The following PTPRD variants were observed in gnomAD, a reference collection of about 807,000 sequenced individuals.
PTPRD encodes receptor-type tyrosine-protein phosphatase delta.
PTPRD carries 34 observed loss-of-function variants against 214.5 expected under a neutral mutation model. The ratio of observed to expected loss-of-function variants is 0.16; its 90% CI spans 0.12 to 0.21. PTPRD has a LOEUF of 0.21. PTPRD is among the 10% of genes least tolerant of loss of function. PTPRD has a pLI of 1.00. For missense variants in PTPRD, 2,545 were observed against 2,398.7 expected (o/e 1.06, Z -1.27); for synonymous variants, 1,128 against 845.7 (o/e 1.33, Z -5.79).
intron 11 of PTPRD, among the ~76,000 whole-genome samples, chr9:8,999,212 C>G (rs995195252): frequency 6.6e-6 from 1 of 152,000 alleles, no homozygotes; most frequent in African/African-American, 2.4e-5. Context: ...CTATCAAACA[C>G]CATCACACAC....
At chr9:9,265,997 G>A (rs973593762) in intron 9 of PTPRD, among the ~76,000 whole-genome samples, 15 of 151,404 alleles carry the variant, frequency 9.9e-5, no homozygotes, top group African/African-American at 3.4e-4. Flanking sequence ...ACTCACATCT[G>A]CTTTAAGGAC....
intron 14 of PTPRD, among the ~76,000 whole-genome samples, chr9:8,560,082 T>A (rs2085559822): frequency 6.6e-6 from 1 of 152,168 alleles, no homozygotes; most frequent in African/African-American, 2.4e-5. Flanking sequence ...CCAAAACTGA[T>A]TTTACTTCTT....
intron 11 of PTPRD, among the ~76,000 whole-genome samples, chr9:8,774,312 C>G (rs2095369580): frequency 6.6e-6 from 1 of 151,970 alleles, no homozygotes; most frequent in Non-Finnish European, 1.5e-5. Flanking sequence ...ATTTGAATAA[C>G]ATATTATTTA....
intron 6 of PTPRD, among the ~76,000 whole-genome samples, chr9:9,756,226 G>C (rs192663708): frequency 2.0e-5 from 3 of 152,182 alleles, no homozygotes; most frequent in East Asian, 3.9e-4. Flanking sequence ...TGGAGCACCA[G>C]AGGGTTATGT....
chr9:9,934,328 G>T (rs879326260), intron 5 of PTPRD, among the ~76,000 whole-genome samples: 46 of 150,986 alleles, frequency 3.0e-4, no homozygotes, highest in African/African-American at 3.9e-4. Flanking sequence ...TAGACTGCTA[G>T]CAAGACTAAT....
rs138312321 is a variant in PTPRD at position 8,862,754 on chromosome 9, G to C, written c.-103-128808C>G. On this transcript the variant is annotated intron_variant, in intron 11 of 45. Coordinates refer to ENST00000381196, the MANE Select transcript of PTPRD (RefSeq NM_002839.4). The stretch of plus-strand genomic sequence containing the variant: ...TGTTAGGCAGCACTGTCCTCTTTAA[G>C]AAAAGAAATCCACATCTTCATGGAT... Among the ~76,000 whole-genome samples the C allele has an allele frequency of 1.8e-4, 27 of 152,330 alleles. No individual in the cohort carries two copies. In the East Asian group the frequency reaches 3.1e-3, roughly 17 times the overall value.
chr9:8,359,406 C>T (rs1448890312), intron 39 of PTPRD, among the ~76,000 whole-genome samples: 1 of 151,940 alleles, frequency 6.6e-6, no homozygotes, highest in Admixed American at 6.6e-5. Context: ...CTCACTGCAA[C>T]TTCCACCTCC....
At chr9:8,746,150 T>C (rs1356555428) in intron 11 of PTPRD, among the ~76,000 whole-genome samples, 1 of 152,088 alleles carries the variant, frequency 6.6e-6, no homozygotes, top group Non-Finnish European at 1.5e-5. Flanking sequence ...TGTTGAGTAA[T>C]TGTGACAAGG....
At chr9:9,646,170 T>C (rs1290205093) in intron 7 of PTPRD, among the ~76,000 whole-genome samples, 3 of 152,164 alleles carry the variant, frequency 2.0e-5, no homozygotes, top group Non-Finnish European at 2.9e-5. Flanking sequence ...AGAAGTTTGT[T>C]TTTTGAGGGT....
intron 3 of PTPRD, among the ~76,000 whole-genome samples, chr9:10,283,120 A>G (rs2095208712): frequency 6.8e-6 from 1 of 146,470 alleles, no homozygotes; most frequent in Non-Finnish European, 1.5e-5. Flanking sequence ...ACCTGCCTGC[A>G]TATGTACACA....
intron 8 of PTPRD, among the ~76,000 whole-genome samples, chr9:9,532,852 C>T (rs929060816): frequency 1.3e-5 from 2 of 152,144 alleles, no homozygotes; most frequent in East Asian, 1.9e-4. Flanking sequence ...TAACATGGCA[C>T]AGTTTATATG....
At chr9:8,833,100 A>C (rs575919815) in intron 11 of PTPRD, among the ~76,000 whole-genome samples, 1 of 152,292 alleles carries the variant, frequency 6.6e-6, no homozygotes, top group Admixed American at 6.5e-5. Context: ...TCCAGTTCAT[A>C]CACAGGCCAC....
intron 9 of PTPRD, among the ~76,000 whole-genome samples, chr9:9,297,726 T>C (rs111986271): frequency 4.6e-5 from 7 of 151,732 alleles, no homozygotes; most frequent in African/African-American, 1.7e-4. Flanking sequence ...AGAAAGTTTC[T>C]CTTTGTTAGT....
chr9:8,502,892 G>C (rs1434814961), intron 23 of PTPRD, among the ~76,000 whole-genome samples: 1 of 149,886 alleles, frequency 6.7e-6, no homozygotes, highest in Non-Finnish European at 1.5e-5. Context: ...TAAAAACTGA[G>C]GTTTGTAAAC....
chr9:9,812,684 T>C (rs11521224), intron 5 of PTPRD, among the ~76,000 whole-genome samples: 3,731 of 151,964 alleles, frequency 0.025, 58 homozygotes, highest in Middle Eastern at 0.058. Context: ...TAAACAGGAC[T>C]GAAAGGAAAA....
At chr9:9,632,860 T>C (rs1254832780) in intron 7 of PTPRD, among the ~76,000 whole-genome samples, 1 of 152,160 alleles carries the variant, frequency 6.6e-6, no homozygotes, top group Non-Finnish European at 1.5e-5. Flanking sequence ...TTTGAGCAAG[T>C]GTTAATGAAC....
chr9:10,112,435 T>G (rs1417915574), intron 3 of PTPRD, among the ~76,000 whole-genome samples: 1 of 152,238 alleles, frequency 6.6e-6, no homozygotes, highest in Admixed American at 6.5e-5. Context: ...TTATCTATTT[T>G]TTTTTTGTCA....
intron 10 of PTPRD, among the ~76,000 whole-genome samples, chr9:9,150,610 C>A (rs1446499509): frequency 6.6e-6 from 1 of 151,712 alleles, no homozygotes; most frequent in Non-Finnish European, 1.5e-5. Context: ...GCCTCAGCCT[C>A]TGGGATTACA....
chr9:8,431,557 C>G (rs1485076424), intron 35 of PTPRD, among the ~76,000 whole-genome samples: 1 of 152,086 alleles, frequency 6.6e-6, no homozygotes, highest in Non-Finnish European at 1.5e-5. Flanking sequence ...TGTGATGATG[C>G]CTACTGATTA....
Sources: gnomAD v4.1 joint callset for allele counts (sites outside exome capture counted in the v4.1 genomes callset) on GRCh38, gnomAD v4.1.1 for gene constraint, MANE v1.5 for transcripts, NCBI Gene and HGNC (gene_info 2026-07-23, HGNC 2026-07-21) for gene names.